MALRD1: variants seen among roughly 807,000 people sequenced by gnomAD.
MALRD1 encodes MAM and LDL receptor class A domain containing 1.
Under a neutral mutation model 242.1 loss-of-function variants are expected in MALRD1, and 247 were observed. The observed-to-expected ratio is 1.02, with a 90% CI of 0.92 to 1.13. MALRD1 has a LOEUF of 1.13. Among genes scored for constraint, MALRD1 ranks in the 50% most tolerant of loss-of-function variants. MALRD1 has a pLI of 0.00. For synonymous variants in MALRD1, 995 were observed against 866.6 expected (o/e 1.15, Z -2.60); for missense variants, 2,989 against 2,533.1 (o/e 1.18, Z -3.86).
chr10:19,284,186 C>G (rs1840976300), intron 21 of MALRD1, among the ~76,000 whole-genome samples: 1 of 151,604 alleles, frequency 6.6e-6, no homozygotes, highest in Non-Finnish European at 1.5e-5. Context: ...GAACTTTTTT[C>G]ACTTTTGTGA....
At chr10:19,203,927 G>A (rs933739579) in intron 15 of MALRD1, 47 bp downstream of exon 15, 2 of 1,546,070 alleles carry the variant, frequency 1.3e-6, no homozygotes, top group Non-Finnish European at 1.7e-6. Flanking sequence ...TTACTGTTTA[G>A]TTAGACTTCA....
At chr10:19,173,963 T>C (rs1386665462) in intron 13 of MALRD1, among the ~76,000 whole-genome samples, 1 of 152,056 alleles carries the variant, frequency 6.6e-6, no homozygotes, top group Non-Finnish European at 1.5e-5. Flanking sequence ...AAAAGAGAGG[T>C]TAAAAAGAAA....
At chr10:19,286,285 A>G (rs1044945229) in intron 21 of MALRD1, among the ~76,000 whole-genome samples, 4 of 148,098 alleles carry the variant, frequency 2.7e-5, no homozygotes, top group Admixed American at 2.1e-4. Flanking sequence ...AACTTCCAAC[A>G]CTATGTTGAA....
intron 28 of MALRD1, among the ~76,000 whole-genome samples, chr10:19,397,798 C>G (rs1248515742): frequency 1.3e-5 from 2 of 152,038 alleles, no homozygotes; most frequent in African/African-American, 4.8e-5. Context: ...CCTAGTTCCA[C>G]AACGTTGCTA....
At chr10:19,391,118 T>C (rs1846318481) in intron 28 of MALRD1, among the ~76,000 whole-genome samples, 2 of 152,188 alleles carry the variant, frequency 1.3e-5, no homozygotes, top group African/African-American at 4.8e-5. Context: ...TACTAAACCA[T>C]TTTGCGATAT....
chr10:19,622,412 T>C (rs1018977597), intron 36 of MALRD1, among the ~76,000 whole-genome samples: 1 of 151,500 alleles, frequency 6.6e-6, no homozygotes, highest in Non-Finnish European at 1.5e-5. Flanking sequence ...ATACATTTAA[T>C]AAAATAAAAG....
intron 2 of MALRD1, among the ~76,000 whole-genome samples, chr10:19,083,311 T>C (rs1835554527): frequency 1.3e-5 from 2 of 152,002 alleles, no homozygotes. Flanking sequence ...TCATAGAGCC[T>C]CAATATCAGC....
chr10:19,700,160 A>G (rs1354703344), intron 38 of MALRD1, among the ~76,000 whole-genome samples: 3 of 151,964 alleles, frequency 2.0e-5, no homozygotes, highest in Non-Finnish European at 2.9e-5. Flanking sequence ...ACACCTCCCT[A>G]CTGTTGACAA....
intron 36 of MALRD1, among the ~76,000 whole-genome samples, chr10:19,622,814 A>T (rs1052217810): frequency 3.3e-5 from 5 of 151,964 alleles, no homozygotes; most frequent in Admixed American, 6.6e-5. Context: ...AAAATTTGAC[A>T]TTTCAGACTA....
chr10:19,064,689 T>C (rs1834916769), intron 1 of MALRD1, among the ~76,000 whole-genome samples: 1 of 150,844 alleles, frequency 6.6e-6, no homozygotes, highest in Non-Finnish European at 1.5e-5. Context: ...GAGAATCACT[T>C]TAACCAGGAG....
At position 19,103,965 on chromosome 10, in the gene MALRD1, T is replaced by C. The variant is rs1836374242; in HGVS notation, c.598-14T>C. 2 of 1,229,630 alleles carry C rather than the reference T, an allele frequency of 1.6e-6. No individual in the cohort carries two copies. The highest frequency in any genetic ancestry group is 4.2e-5 in the Admixed American group (1 of 23,708). The allele number at this position is 1,229,630 out of a possible 1,614,324, so 76.2% of individuals were successfully genotyped here. A position where few individuals can be genotyped will look rare whatever the true frequency, so the allele number is the denominator to read the frequency against. ...TATGTTTTTGTTTTGTTTTGTTTTG[T>C]TTTTCTGGTGCAGGTTGTTTTTGAA... is the stretch of plus-strand genomic sequence containing the variant. On this transcript the variant is annotated splice_polypyrimidine_tract_variant and intron_variant, in intron 4 of 39. Coordinates refer to ENST00000454679, the MANE Select transcript of MALRD1 (RefSeq NM_001142308.3).
chr10:19,486,641 A>C (rs1837249315), intron 29 of MALRD1, among the ~76,000 whole-genome samples: 1 of 152,178 alleles, frequency 6.6e-6, no homozygotes, highest in Admixed American at 6.5e-5. Context: ...GTACTTAGAA[A>C]TGCATGTCCA....
chr10:19,200,767 C>A (rs554776743), intron 14 of MALRD1, among the ~76,000 whole-genome samples: 2 of 149,708 alleles, frequency 1.3e-5, no homozygotes, highest in Non-Finnish European at 3.0e-5. Flanking sequence ...TATCCCCTGA[C>A]GCCTTTTCTC....
intron 29 of MALRD1, among the ~76,000 whole-genome samples, chr10:19,486,747 T>C (rs1193866887): frequency 1.3e-5 from 2 of 152,144 alleles, no homozygotes; most frequent in Non-Finnish European, 2.9e-5. Context: ...ATATTATCTA[T>C]ATAATGATTA....
chr10:19,309,841 G>T (rs1842355697), intron 21 of MALRD1, among the ~76,000 whole-genome samples: 1 of 151,414 alleles, frequency 6.6e-6, no homozygotes, highest in Non-Finnish European at 1.5e-5. Context: ...GCGGGAAACA[G>T]CTGGCACAAA....
chr10:19,049,863 T>C (rs1834432497), intron 1 of MALRD1, among the ~76,000 whole-genome samples: 2 of 152,222 alleles, frequency 1.3e-5, no homozygotes, highest in South Asian at 4.1e-4. Context: ...TAATGACATG[T>C]ACGTTCCTGT....
chr10:19,506,192 A>C (rs902005818), intron 31 of MALRD1, among the ~76,000 whole-genome samples: 1 of 152,236 alleles, frequency 6.6e-6, no homozygotes, highest in Non-Finnish European at 1.5e-5. Context: ...TCTGTTGACT[A>C]TTGAAATTCT....
chr10:19,050,298 G>A (rs1445091259), intron 1 of MALRD1, among the ~76,000 whole-genome samples: 4 of 150,300 alleles, frequency 2.7e-5, no homozygotes, highest in African/African-American at 4.9e-5. Flanking sequence ...CGTTTTAGCC[G>A]GGATGGTCTC....
At chr10:19,579,754 C>A (rs1034759403) in intron 33 of MALRD1, among the ~76,000 whole-genome samples, 2 of 152,150 alleles carry the variant, frequency 1.3e-5, no homozygotes, top group Non-Finnish European at 2.9e-5. Context: ...CCCTGTAAGG[C>A]GTTGGAGAAC....
Sources: gnomAD v4.1 joint callset for allele counts (sites outside exome capture counted in the v4.1 genomes callset) on GRCh38, gnomAD v4.1.1 for gene constraint, MANE v1.5 for transcripts, NCBI Gene and HGNC (gene_info 2026-07-23, HGNC 2026-07-21) for gene names.